Variants in TBL1XR1 observed in about 807,000 individuals in gnomAD.
The protein encoded by TBL1XR1 is TBL1X/Y related 1.
A neutral mutation model predicts 66.9 loss-of-function variants in TBL1XR1; 5 were observed. That is an observed-to-expected ratio of 0.07 (90% CI 0.04 to 0.16). TBL1XR1 has a LOEUF of 0.16. Among genes scored for constraint, TBL1XR1 ranks in the 10% least tolerant of loss-of-function variants. The probability of loss-of-function intolerance (pLI) is 1.00; values close to 1 mark genes in which losing one functional copy is unlikely to be tolerated. For synonymous variants in TBL1XR1, 210 were observed against 206.0 expected (o/e 1.02, Z -0.17); for missense variants, 238 against 623.2 (o/e 0.38, Z 6.58).
At chr3:177,117,890 T>C (rs1259680038) in intron 1 of TBL1XR1, among the ~76,000 whole-genome samples, 1 of 152,126 alleles carries the variant, frequency 6.6e-6, no homozygotes, top group Non-Finnish European at 1.5e-5. Flanking sequence ...TGTCAACCAA[T>C]AACCACTGAA....
chr3:177,099,236 G>T (rs971860440), intron 1 of TBL1XR1, among the ~76,000 whole-genome samples: 3 of 151,958 alleles, frequency 2.0e-5, no homozygotes, highest in East Asian at 3.9e-4. Context: ...GCGTGGTGGC[G>T]GGCACCTGTA....
Position 177,023,436 on chromosome 3 carries a change from A to G in TBL1XR1, c.*2062T>C, listed in dbSNP as rs1712650667. 1 of 152,518 alleles carries G rather than the reference A, an allele frequency of 6.6e-6. No homozygotes were observed. Among genetic ancestry groups the G allele is most frequent in the African/African-American group, 2.4e-5 (1 of 41,418 alleles). 9.4% of individuals were successfully genotyped at this position (152,518 alleles called of 1,614,324 possible). ...AGATACTCAGCATATTAGGTTTCCT[A>G]CGTAAGTCACAGGGTAATATGTTCT... On this transcript the variant is annotated 3_prime_UTR_variant, in exon 16 of 16. Transcript: ENST00000457928.
At chr3:177,177,161 G>A (rs528938457) in intron 1 of TBL1XR1, among the ~76,000 whole-genome samples, 1 of 152,148 alleles carries the variant, frequency 6.6e-6, no homozygotes, top group Admixed American at 6.5e-5. Flanking sequence ...CCAAAAGTTT[G>A]CATGAAGTTT....
intron 2 of TBL1XR1, among the ~76,000 whole-genome samples, chr3:177,089,098 G>C (rs1180145138): frequency 1.3e-5 from 2 of 152,164 alleles, no homozygotes; most frequent in African/African-American, 2.4e-5. Flanking sequence ...ACTTCTTTCA[G>C]TTTTTTAAGA....
intron 1 of TBL1XR1, among the ~76,000 whole-genome samples, chr3:177,174,239 T>A (rs983308329): frequency 2.6e-5 from 4 of 151,950 alleles, no homozygotes; most frequent in Non-Finnish European, 5.9e-5. Flanking sequence ...AAACCCCGTC[T>A]GTAGTAAAAA....
chr3:177,086,783 A>G (rs1360361676), intron 2 of TBL1XR1, among the ~76,000 whole-genome samples: 4 of 151,792 alleles, frequency 2.6e-5, no homozygotes, highest in Non-Finnish European at 5.9e-5. Flanking sequence ...CCAATCAAAA[A>G]TCCACATATA....
intron 4 of TBL1XR1, among the ~76,000 whole-genome samples, chr3:177,052,694 A>C (rs1420515301): frequency 1.3e-5 from 2 of 152,214 alleles, no homozygotes; most frequent in Non-Finnish European, 2.9e-5. Flanking sequence ...TTCTAATTCT[A>C]GTAATAATCA....
chr3:177,088,369 C>CTA (rs373548337), intron 2 of TBL1XR1, among the ~76,000 whole-genome samples: 99 of 151,742 alleles, frequency 6.5e-4, no homozygotes, highest in African/African-American at 2.0e-3. Flanking sequence ...TGCCCTCAGG[C>CTA]TATATATATA....
At chr3:177,142,185 G>C (rs1729713340) in intron 1 of TBL1XR1, among the ~76,000 whole-genome samples, 1 of 152,136 alleles carries the variant, frequency 6.6e-6, no homozygotes, top group Non-Finnish European at 1.5e-5. Flanking sequence ...GCTTCACCCA[G>C]GAAAGAATTC....
chr3:177,120,605 G>A (rs1187233289), intron 1 of TBL1XR1: 1 of 152,080 alleles, frequency 6.6e-6, no homozygotes, highest in Non-Finnish European at 1.5e-5. Flanking sequence ...AAAATCAAAG[G>A]TCACGTGCAA....
At chr3:177,137,999 CA>C (rs1463623719) in intron 1 of TBL1XR1, among the ~76,000 whole-genome samples, 4 of 152,076 alleles carry the variant, frequency 2.6e-5, no homozygotes, top group African/African-American at 9.7e-5. Flanking sequence ...AGCACTGTTG[CA>C]AAGCGAGTAG....
chr3:177,140,743 A>G (rs1320530864), intron 1 of TBL1XR1, among the ~76,000 whole-genome samples: 1 of 152,204 alleles, frequency 6.6e-6, no homozygotes, highest in Non-Finnish European at 1.5e-5. Flanking sequence ...TTCCTCATAA[A>G]TATAAGTAAA....
At chr3:177,107,585 T>C (rs1725032468) in intron 1 of TBL1XR1, among the ~76,000 whole-genome samples, 1 of 152,180 alleles carries the variant, frequency 6.6e-6, no homozygotes, top group Non-Finnish European at 1.5e-5. Flanking sequence ...TCAATTTAAC[T>C]TGTTCACCAA....
intron 1 of TBL1XR1, among the ~76,000 whole-genome samples, chr3:177,155,615 G>C (rs1203476804): frequency 6.6e-6 from 1 of 152,146 alleles, no homozygotes; most frequent in Non-Finnish European, 1.5e-5. Context: ...TTCAAAAGGA[G>C]AAAGATAGTT....
chr3:177,107,292 T>C (rs1031528305), intron 1 of TBL1XR1, among the ~76,000 whole-genome samples: 1 of 152,208 alleles, frequency 6.6e-6, no homozygotes, highest in Admixed American at 6.5e-5. Flanking sequence ...TATGTGTCCT[T>C]ACAGAAAACA....
chr3:177,128,972 T>C (rs1727971651), intron 1 of TBL1XR1, among the ~76,000 whole-genome samples: 1 of 152,180 alleles, frequency 6.6e-6, no homozygotes, highest in African/African-American at 2.4e-5. Flanking sequence ...CATCAGCTAT[T>C]TCTTCTATAA....
chr3:177,083,119 G>GA (rs1316026530), intron 2 of TBL1XR1, among the ~76,000 whole-genome samples: 5 of 151,448 alleles, frequency 3.3e-5, no homozygotes, highest in African/African-American at 1.2e-4. Context: ...ACAACACACT[G>GA]AAAAAAGTGT....
intron 1 of TBL1XR1, among the ~76,000 whole-genome samples, chr3:177,101,696 C>T (rs1201293): frequency 0.33 from 50,211 of 152,058 alleles, 8,610 homozygotes; most frequent in East Asian, 0.53. Flanking sequence ...TATAAGAAAT[C>T]AATTTATTTT....
At chr3:177,117,328 A>G (rs534797187) in intron 1 of TBL1XR1, among the ~76,000 whole-genome samples, 19 of 152,334 alleles carry the variant, frequency 1.2e-4, no homozygotes, top group African/African-American at 4.3e-4. Context: ...CCTGGGAAAG[A>G]TATTTTCAGC....
Sources: gnomAD v4.1 joint callset for allele counts (sites outside exome capture counted in the v4.1 genomes callset) on GRCh38, gnomAD v4.1.1 for gene constraint, MANE v1.5 for transcripts, NCBI Gene and HGNC (gene_info 2026-07-23, HGNC 2026-07-21) for gene names.